CLIP4: variants seen among roughly 807,000 people sequenced by gnomAD.
CLIP4 encodes the protein CAP-Gly domain containing linker protein family member 4.
CLIP4 carries 47 observed loss-of-function variants against 73.1 expected under a neutral mutation model. The observed-to-expected ratio is 0.64, with a 90% CI of 0.51 to 0.82. CLIP4 has a LOEUF of 0.82. CLIP4 is among the 40% of genes least tolerant of loss of function. The pLI is 0.00. For synonymous variants in CLIP4, 306 were observed against 295.4 expected, an observed-to-expected ratio of 1.04 and a Z score of -0.37; for missense variants, 874 against 852.9, an observed-to-expected ratio of 1.02 and a Z score of -0.31.
intron 12 of CLIP4, among the ~76,000 whole-genome samples, chr2:29,162,901 A>G (rs917075795): frequency 6.6e-6 from 1 of 152,166 alleles, no homozygotes; most frequent in African/African-American, 2.4e-5. Context: ...TCTGGAAGAA[A>G]CACTATTTTT....
At chr2:29,106,374 G>T (rs1006668781) in intron 1 of CLIP4, among the ~76,000 whole-genome samples, 4 of 152,096 alleles carry the variant, frequency 2.6e-5, no homozygotes, top group Non-Finnish European at 5.9e-5. Flanking sequence ...ACCCCATCCT[G>T]CAATGTACTT....
chr2:29,163,706 C>T (rs765013520), intron 12 of CLIP4, 125 bp from the exon 13 acceptor site: 2 of 846,506 alleles, frequency 2.4e-6, no homozygotes, highest in Non-Finnish European at 3.5e-6. Context: ...TAATGAGTAT[C>T]ATGATCTTCC....
intron 11 of CLIP4, among the ~76,000 whole-genome samples, chr2:29,158,440 T>C (rs1667077854): frequency 6.6e-6 from 1 of 152,042 alleles, no homozygotes; most frequent in African/African-American, 2.4e-5. Flanking sequence ...AAAAAATAAA[T>C]TTGAGGGTTA....
rs1668697655 is a variant in CLIP4, at chr2:29,182,608, C to G, written c.*715C>G. On this transcript the variant is annotated 3_prime_UTR_variant, in exon 16 of 16. Transcript: ENST00000320081. ...CCTCACTTGTGGCCCAGTGCTCTTT[C>G]TGCTATACAAAATGTCTAATCTCAG... 1 of 152,572 alleles carries G rather than the reference C, an allele frequency of 6.6e-6. No individual in the cohort carries two copies. The highest frequency in any genetic ancestry group is 1.9e-4 in the East Asian group (1 of 5,186). The allele number at this position is 152,572 out of a possible 1,614,324, so 9.5% of individuals were successfully genotyped here.
intron 2 of CLIP4, 143 bp from the exon 3 acceptor site, chr2:29,131,115 A>G: frequency 1.2e-6 from 1 of 868,220 alleles, no homozygotes; most frequent in Non-Finnish European, 1.7e-6. Flanking sequence ...TGTTCATAAT[A>G]TTTTCCTTAT....
intron 2 of CLIP4, among the ~76,000 whole-genome samples, 156 bp downstream of exon 2, chr2:29,121,677 T>C (rs1664257531): frequency 6.6e-6 from 1 of 152,212 alleles, no homozygotes; most frequent in Non-Finnish European, 1.5e-5. Context: ...CTTATTGCTT[T>C]TTCTGCTTCT....
At chr2:29,124,014 A>G (rs2148468959) in intron 2 of CLIP4, among the ~76,000 whole-genome samples, 1 of 152,328 alleles carries the variant, frequency 6.6e-6, no homozygotes, top group East Asian at 1.9e-4. Flanking sequence ...TTTTGCTTAA[A>G]CATTGAATTA....
At chr2:29,101,275 CT>C (rs1270982831) in intron 1 of CLIP4, among the ~76,000 whole-genome samples, 5,760 of 111,010 alleles carry the variant, frequency 0.052, 338 homozygotes, top group African/African-American at 0.16. Flanking sequence ...GGGCAACAGG[CT>C]TTTTTTTTTT....
At chr2:29,108,499 G>A (rs973221676) in intron 1 of CLIP4, among the ~76,000 whole-genome samples, 3 of 152,156 alleles carry the variant, frequency 2.0e-5, no homozygotes, top group South Asian at 2.1e-4. Context: ...CTTATGAATT[G>A]TTTACTTCTG....
intron 13 of CLIP4, among the ~76,000 whole-genome samples, chr2:29,164,752 C>T (rs1667498654): frequency 1.3e-5 from 2 of 152,176 alleles, no homozygotes; most frequent in Non-Finnish European, 2.9e-5. Flanking sequence ...TTGTGACTAT[C>T]TCCTGGCAGA....
intron 2 of CLIP4, among the ~76,000 whole-genome samples, chr2:29,122,178 A>G (rs535010884): frequency 6.6e-6 from 1 of 152,004 alleles, no homozygotes; most frequent in Non-Finnish European, 1.5e-5. Flanking sequence ...AAGTTATTGG[A>G]CTGAGAATTT....
rs773401220 is a variant in CLIP4, at chr2:29,181,852, C to T, written c.2077C>T (p.Arg693Trp). The T allele has an allele frequency of 2.3e-5, 37 of 1,613,202 alleles. No homozygotes were observed. Among genetic ancestry groups the T allele is most frequent in the Middle Eastern group, 3.3e-4 (2 of 6,082 alleles). The change falls in exon 16 of 16, where the codon CGG (arginine) becomes TGG (tryptophan). Residue 693 changes from arginine (R) to tryptophan (W), a missense_variant. Transcript: ENST00000320081. ...VLVRPSRVTYRGINGSKLVDE... is the reference protein window; with the variant it reads ...VLVRPSRVTYWGINGSKLVDE... ...AGTTCGACCGAGCAGAGTGACCTAT[C>T]GGGGAATTAATGGGTCAAAACTTGT...
intron 5 of CLIP4, among the ~76,000 whole-genome samples, chr2:29,134,681 T>C (rs1259632646): frequency 1.3e-5 from 2 of 152,160 alleles, no homozygotes; most frequent in African/African-American, 4.8e-5. Context: ...TAGTTGAGGG[T>C]AGGATTTGCA....
At chr2:29,161,115 C>T (rs1667264101) in intron 12 of CLIP4, among the ~76,000 whole-genome samples, 1 of 152,156 alleles carries the variant, frequency 6.6e-6, no homozygotes, top group African/African-American at 2.4e-5. Context: ...GGTGGGATTA[C>T]AGGCATGCGC....
chr2:29,178,343 C>A (rs985071731), intron 15 of CLIP4, among the ~76,000 whole-genome samples: 1 of 152,078 alleles, frequency 6.6e-6, no homozygotes, highest in South Asian at 2.1e-4. Context: ...CCATGCCTAG[C>A]TAATTTTTTG....
chr2:29,151,027 C>G (rs1429639768), intron 8 of CLIP4, among the ~76,000 whole-genome samples: 3 of 152,042 alleles, frequency 2.0e-5, no homozygotes. Flanking sequence ...ATCATATTGG[C>G]AGGCAATTAT....
At chr2:29,143,240 C>T (rs192136760) in intron 6 of CLIP4, among the ~76,000 whole-genome samples, 37 of 152,268 alleles carry the variant, frequency 2.4e-4, no homozygotes, top group Admixed American at 7.8e-4. Context: ...CCCACATGGA[C>T]GCCTTGCTTT....
intron 14 of CLIP4, 150 bp downstream of exon 14, chr2:29,167,690 CCCTGGCTGAAGAAGATGATAA>C: frequency 2.0e-6 from 1 of 510,406 alleles, no homozygotes; most frequent in East Asian, 3.4e-5. Context: ...GTTACCTGTC[CCCTGGCTGAAGAAGATGATAA>C]CCTGACCTGT....
At chr2:29,121,245 C>T in intron 1 of CLIP4, 129 bp from the exon 2 acceptor site, 3 of 950,064 alleles carry the variant, frequency 3.2e-6, no homozygotes, top group Non-Finnish European at 4.5e-6. Context: ...TTTTCCCTTT[C>T]ATAAAAGATC....
Sources: allele counts gnomAD v4.1 joint callset (sites outside exome capture counted in the v4.1 genomes callset), GRCh38; gene constraint gnomAD v4.1.1; transcripts MANE v1.5; gene names NCBI Gene and HGNC (gene_info 2026-07-23, HGNC 2026-07-21).